Variants in CDH18 observed in about 807,000 individuals in gnomAD.
CDH18 encodes the protein cadherin-18.
Under a neutral mutation model 67.9 loss-of-function variants are expected in CDH18, and 31 were observed. The observed-to-expected ratio is 0.46, with a 90% CI of 0.34 to 0.62. The LOEUF (loss-of-function observed/expected upper bound fraction) is 0.62, where lower values mean the gene tolerates loss of function less well. Among genes scored for constraint, CDH18 ranks in the 20% least tolerant of loss-of-function variants. CDH18 has a pLI of 0.01. For missense variants in CDH18, 890 were observed against 975.5 expected (o/e 0.91, Z 1.17); for synonymous variants, 362 against 347.2 (o/e 1.04, Z -0.48).
At chr5:20,555,408 CT>C (rs774396694) in intron 1 of CDH18, among the ~76,000 whole-genome samples, 3 of 103,656 alleles carry the variant, frequency 2.9e-5, no homozygotes, top group African/African-American at 8.2e-5. Context: ...ACAAGCTTTT[CT>C]TTTTTTTTTT....
At chr5:19,663,596 G>A (rs1757488973) in intron 5 of CDH18, among the ~76,000 whole-genome samples, 1 of 151,886 alleles carries the variant, frequency 6.6e-6, no homozygotes, top group Non-Finnish European at 1.5e-5. Context: ...AAATGAGACC[G>A]TTTTGCCATG....
intron 2 of CDH18, among the ~76,000 whole-genome samples, chr5:20,136,581 C>T (rs1749738583): frequency 6.6e-6 from 1 of 152,064 alleles, no homozygotes; most frequent in South Asian, 2.1e-4. Flanking sequence ...GCATTTAGCC[C>T]ATTTACATTT....
At chr5:19,814,883 C>T (rs1333422390) in intron 3 of CDH18, among the ~76,000 whole-genome samples, 1 of 151,672 alleles carries the variant, frequency 6.6e-6, no homozygotes, top group Non-Finnish European at 1.5e-5. Flanking sequence ...CACATGGACA[C>T]ACACACATAG....
At position 19,706,442 on chromosome 5, in the gene CDH18, C is replaced by A. The variant is rs182260977; in HGVS notation, c.643+14905G>T. On this transcript the variant is annotated intron_variant, in intron 5 of 12. Coordinates refer to ENST00000382275, the MANE Select transcript of CDH18 (RefSeq NM_004934.5). ...CTATTATCCAGCATTGCCCAACTTG[C>A]CACATGGTGCATTCCTCATCTTTTA... 4.0e-3 allele frequency among the ~76,000 whole-genome samples: 602 copies of A among 152,314 alleles called. 3 individuals carry two copies. Among genetic ancestry groups the A allele is most frequent in the South Asian group, 5.8e-3 (28 of 4,830 alleles).
At chr5:20,434,860 A>G (rs971230840) in intron 1 of CDH18, among the ~76,000 whole-genome samples, 9 of 152,036 alleles carry the variant, frequency 5.9e-5, no homozygotes, top group African/African-American at 1.7e-4. Flanking sequence ...TAGAGTATCC[A>G]TATACTCCTT....
chr5:20,115,538 A>C (rs1747831756), intron 2 of CDH18, among the ~76,000 whole-genome samples: 1 of 151,652 alleles, frequency 6.6e-6, no homozygotes, highest in Admixed American at 6.6e-5. Context: ...CAGCCTCTTA[A>C]AGTGCTGGGA....
chr5:20,256,503 G>A (rs1350255617), intron 1 of CDH18, among the ~76,000 whole-genome samples: 1 of 152,004 alleles, frequency 6.6e-6, no homozygotes, highest in Non-Finnish European at 1.5e-5. Context: ...TCTACTATGT[G>A]CCAAACATTA....
intron 11 of CDH18, among the ~76,000 whole-genome samples, chr5:19,502,430 T>C (rs769219487): frequency 1.9e-4 from 29 of 152,148 alleles, no homozygotes; most frequent in Non-Finnish European, 2.5e-4. Context: ...TACTAAATTA[T>C]GGGATTATTT....
intron 2 of CDH18, among the ~76,000 whole-genome samples, chr5:19,950,487 C>T (rs188745638): frequency 3.0e-4 from 45 of 152,026 alleles, no homozygotes; most frequent in African/African-American, 1.1e-3. Flanking sequence ...ACCTATGTAA[C>T]CAAACAACAG....
intron 1 of CDH18, among the ~76,000 whole-genome samples, chr5:20,288,441 T>C (rs1580673467): frequency 1.6e-5 from 2 of 121,428 alleles, no homozygotes; most frequent in South Asian, 5.2e-4. Flanking sequence ...CTTCAAAAAA[T>C]ACGATATATA....
chr5:20,479,783 A>G (rs1752670436), intron 1 of CDH18, among the ~76,000 whole-genome samples: 1 of 152,164 alleles, frequency 6.6e-6, no homozygotes, highest in African/African-American at 2.4e-5. Context: ...ATATTCAAGT[A>G]TAGGAGGGTT....
intron 2 of CDH18, among the ~76,000 whole-genome samples, chr5:19,968,730 C>A (rs1189438267): frequency 7.0e-6 from 1 of 143,168 alleles, no homozygotes; most frequent in Non-Finnish European, 1.5e-5. Context: ...GACCTAAAAC[C>A]ATCAAAACCC....
chr5:19,592,168 A>G (rs1036451458), intron 6 of CDH18, among the ~76,000 whole-genome samples: 2 of 152,018 alleles, frequency 1.3e-5, no homozygotes, highest in Non-Finnish European at 2.9e-5. Context: ...ATATGTACAC[A>G]AGTAGCTCAT....
chr5:20,193,558 G>GGA, intron 2 of CDH18, among the ~76,000 whole-genome samples: 1 of 152,004 alleles, frequency 6.6e-6, no homozygotes, highest in South Asian at 2.1e-4. Flanking sequence ...CAATTTAAAA[G>GGA]GAGAGACTCC....
rs867109519 is a variant in CDH18 at position 20,281,267 on chromosome 5, C to T, written c.-579-25762G>A. ...TTGCCATTGCTTTTGGTGTTTTAGA[C>T]ATGAAGTCCTTGCCCATGCCTATGT... On this transcript the variant is annotated intron_variant, in intron 1 of 14. Coordinates refer to the CDH18 transcript ENST00000507958. Among the ~76,000 whole-genome samples the T allele has an allele frequency of 8.9e-4, 135 of 152,294 alleles. 1 individual carries two copies. In the South Asian group the frequency reaches 0.027, roughly 31 times the overall value.
At chr5:20,484,472 T>C (rs1255499141) in intron 1 of CDH18, among the ~76,000 whole-genome samples, 1 of 152,090 alleles carries the variant, frequency 6.6e-6, no homozygotes, top group Non-Finnish European at 1.5e-5. Context: ...AAAGGATATC[T>C]GCCCTCCCAT....
chr5:19,597,241 C>T (rs1746323425), intron 6 of CDH18, among the ~76,000 whole-genome samples: 1 of 152,182 alleles, frequency 6.6e-6, no homozygotes, highest in South Asian at 2.1e-4. Flanking sequence ...TTGGGCAAGA[C>T]CTCAGCCCCT....
chr5:20,084,101 G>A (rs1417830604), intron 2 of CDH18, among the ~76,000 whole-genome samples: 1 of 152,108 alleles, frequency 6.6e-6, no homozygotes, highest in Non-Finnish European at 1.5e-5. Context: ...TGGAGACAAG[G>A]CAAGTCCCTT....
At chr5:19,504,363 T>C (rs943998891) in intron 10 of CDH18, among the ~76,000 whole-genome samples, 7 of 152,088 alleles carry the variant, frequency 4.6e-5, no homozygotes, top group African/African-American at 1.4e-4. Context: ...CATCTCCAAA[T>C]AAGTCTCTAT....
Sources: allele counts gnomAD v4.1 joint callset (sites outside exome capture counted in the v4.1 genomes callset), GRCh38; gene constraint gnomAD v4.1.1; transcripts MANE v1.5; gene names NCBI Gene and HGNC (gene_info 2026-07-23, HGNC 2026-07-21).